ERG: variants seen among roughly 807,000 people sequenced by gnomAD.
ERG encodes the protein transcriptional regulator ERG.
In ERG, 9 loss-of-function variants were observed where a neutral mutation model predicts 55.3. That is an observed-to-expected ratio of 0.16 (90% CI 0.10 to 0.28). The LOEUF (loss-of-function observed/expected upper bound fraction) is 0.28. Ranked by LOEUF, ERG falls within the 10% of genes least tolerant of loss-of-function variation. The probability of loss-of-function intolerance (pLI) is 1.00; values close to 1 mark genes in which losing one functional copy is unlikely to be tolerated. For synonymous variants in ERG, 223 were observed against 237.3 expected (o/e 0.94, Z 0.55); for missense variants, 434 against 631.6 (o/e 0.69, Z 3.35).
At chr21:38,386,789 A>T (rs1028867200) in intron 9 of ERG, among the ~76,000 whole-genome samples, 6 of 148,376 alleles carry the variant, frequency 4.0e-5, no homozygotes, top group African/African-American at 1.5e-4. Flanking sequence ...CTTCAGATCT[A>T]TTTTTTTTTT....
intron 2 of ERG, among the ~76,000 whole-genome samples, chr21:38,433,278 G>A (rs1990302627): frequency 6.6e-6 from 1 of 152,180 alleles, no homozygotes; most frequent in Non-Finnish European, 1.5e-5. Context: ...ATCTGACTCT[G>A]ACTGCAGGCC....
chr21:38,556,956 T>A (rs1352124815), intron 2 of ERG, among the ~76,000 whole-genome samples: 7 of 152,190 alleles, frequency 4.6e-5, no homozygotes, highest in Non-Finnish European at 1.0e-4. Flanking sequence ...CAGCAGAGCC[T>A]AACCCAATCA....
chr21:38,438,943 C>T (rs2058815877), intron 2 of ERG, among the ~76,000 whole-genome samples: 1 of 152,202 alleles, frequency 6.6e-6, no homozygotes, highest in Non-Finnish European at 1.5e-5. Flanking sequence ...CCTAAGAAGC[C>T]GCATCTCAAA....
chr21:38,526,579 AT>A (rs1293399330), intron 2 of ERG, among the ~76,000 whole-genome samples: 1 of 152,106 alleles, frequency 6.6e-6, no homozygotes, highest in Non-Finnish European at 1.5e-5. Flanking sequence ...CTTCATTCTA[AT>A]TTTCAAGTAA....
chr21:38,430,298 C>T (rs184654335), intron 2 of ERG, among the ~76,000 whole-genome samples: 2 of 152,036 alleles, frequency 1.3e-5, no homozygotes, highest in East Asian at 1.9e-4. Flanking sequence ...TTTGAGTTGT[C>T]GATTCTGGAT....
intron 2 of ERG, among the ~76,000 whole-genome samples, chr21:38,574,985 C>G (rs2059985989): frequency 6.6e-6 from 1 of 152,148 alleles, no homozygotes; most frequent in Non-Finnish European, 1.5e-5. Flanking sequence ...GTAGCTATTA[C>G]CCACATGTAT....
intron 1 of ERG, among the ~76,000 whole-genome samples, chr21:38,445,994 C>A (rs1318119563): frequency 1.3e-5 from 2 of 151,480 alleles, no homozygotes; most frequent in Non-Finnish European, 2.9e-5. Flanking sequence ...GGGTACAGAG[C>A]GGTCATGAGG....
In ERG at chr21:38,380,768, A is replaced by C. The variant is rs952838895; in HGVS notation, c.*2635T>G. The stretch of plus-strand genomic sequence containing the variant: ...AACCTGGACTGGGGGTGGAGGGTTG[A>C]GGGATCTAATGGAAAACATCTGTTA... On this transcript the variant is annotated 3_prime_UTR_variant, in exon 10 of 10. Coordinates refer to ENST00000288319, the MANE Select transcript of ERG (RefSeq NM_182918.4). 9.4e-6 allele frequency: 10 copies of C among 1,064,320 alleles called. No individual in the cohort carries two copies. The African/African-American group carries it at 1.5e-4, about 16-fold the overall frequency. 65.9% of individuals were successfully genotyped at this position (1,064,320 alleles called of 1,614,324 possible).
intron 1 of ERG, among the ~76,000 whole-genome samples, chr21:38,616,421 A>C (rs1304781763): frequency 6.6e-6 from 1 of 151,874 alleles, no homozygotes; most frequent in Non-Finnish European, 1.5e-5. Flanking sequence ...TTTTTGTCTC[A>C]ATAATTTTGC....
intron 3 of ERG, among the ~76,000 whole-genome samples, chr21:38,413,642 C>T (rs1273958017): frequency 6.6e-6 from 1 of 152,122 alleles, no homozygotes; most frequent in African/African-American, 2.4e-5. Context: ...TTCTGACACA[C>T]TGATTTATTT....
chr21:38,569,217 T>C (rs1356807154), intron 2 of ERG, among the ~76,000 whole-genome samples: 1 of 152,242 alleles, frequency 6.6e-6, no homozygotes, highest in Non-Finnish European at 1.5e-5. Flanking sequence ...TAAATGTTTG[T>C]TGAATGAATA....
chr21:38,648,039 C>A (rs2060467147), intron 1 of ERG, among the ~76,000 whole-genome samples: 1 of 152,222 alleles, frequency 6.6e-6, no homozygotes, highest in Non-Finnish European at 1.5e-5. Flanking sequence ...CAATCTTTGC[C>A]TTGCAAAGCC....
At chr21:38,440,906 T>G (rs1452276890) in intron 2 of ERG, among the ~76,000 whole-genome samples, 1 of 151,944 alleles carries the variant, frequency 6.6e-6, no homozygotes, top group Non-Finnish European at 1.5e-5. Flanking sequence ...GAGATGAGTC[T>G]TAGCTCCACT....
At chr21:38,379,578 T>C (rs983136833), downstream of ERG, among the ~76,000 whole-genome samples, 2 of 152,216 alleles carry the variant, frequency 1.3e-5, no homozygotes, top group African/African-American at 4.8e-5. Context: ...CTAGCACTAA[T>C]TATAATCAGG....
chr21:38,442,239 C>G (rs1390704025), intron 2 of ERG, among the ~76,000 whole-genome samples: 2 of 152,090 alleles, frequency 1.3e-5, no homozygotes, highest in Non-Finnish European at 2.9e-5. Context: ...ACTAAAAATA[C>G]AAAATTTAGC....
intron 1 of ERG, among the ~76,000 whole-genome samples, chr21:38,616,459 A>T (rs1427677836): frequency 6.6e-6 from 1 of 152,082 alleles, no homozygotes; most frequent in Non-Finnish European, 1.5e-5. Context: ...CTCAGAAAAA[A>T]ATGTTTTCAT....
At chr21:38,562,758 T>C (rs956809848) in intron 2 of ERG, among the ~76,000 whole-genome samples, 1 of 152,306 alleles carries the variant, frequency 6.6e-6, no homozygotes, top group Middle Eastern at 3.4e-3. Flanking sequence ...TTCAAGAGGT[T>C]GCAGGGACTG....
chr21:38,551,037 G>GA (rs1460355220), intron 2 of ERG, among the ~76,000 whole-genome samples: 2 of 151,988 alleles, frequency 1.3e-5, no homozygotes, highest in Non-Finnish European at 2.9e-5. Context: ...ATTTATTGAG[G>GA]AAAAATAACT....
At position 38,612,108 on chromosome 21, in the gene ERG, C is replaced by T. The variant is rs141906343; in HGVS notation, c.-149-27163G>A. 2.0e-3 allele frequency among the ~76,000 whole-genome samples: 303 copies of T among 152,270 alleles called. 1 individual carries two copies. The highest frequency in any genetic ancestry group is 6.8e-3 in the African/African-American group (283 of 41,552). ...TCCCAAGACTGCAGCAAATGTCGGC[C>T]AAGTGAAAAACACACAGAATGTCCT... On this transcript the variant is annotated intron_variant, in intron 1 of 10. Coordinates refer to the ERG transcript ENST00000398910.
Sources: gnomAD v4.1 joint callset for allele counts (sites outside exome capture counted in the v4.1 genomes callset) on GRCh38, gnomAD v4.1.1 for gene constraint, MANE v1.5 for transcripts, NCBI Gene and HGNC (gene_info 2026-07-23, HGNC 2026-07-21) for gene names.